The following XKR6 variants were observed in gnomAD, a reference collection of about 807,000 sequenced individuals.
XKR6 encodes the protein XK-related protein 6.
In XKR6, 22 loss-of-function variants were observed where a neutral mutation model predicts 56.7. The ratio of observed to expected loss-of-function variants is 0.39; its 90% CI spans 0.28 to 0.55. The LOEUF (loss-of-function observed/expected upper bound fraction) is 0.55. Ranked by LOEUF, XKR6 falls within the 20% of genes least tolerant of loss-of-function variation. The pLI, the probability that XKR6 is intolerant of heterozygous loss-of-function variation, is 0.66. For missense variants in XKR6, 852 were observed against 889.0 expected (o/e 0.96, Z 0.53); for synonymous variants, 524 against 387.8 (o/e 1.35, Z -4.13).
chr8:11,031,000 T>C lies in XKR6; in HGVS notation c.765-106170A>G, dbSNP rs951069578. ...GTGGCACAGCTAGTAAAAGGCAGAG[T>C]TGGTAGAGTGCACACCTACTGGCTC... On this transcript the variant is annotated intron_variant, in intron 1 of 2. Transcript: ENST00000416569. Among the ~76,000 whole-genome samples, 19 of 151,976 alleles carry C rather than the reference T, an allele frequency of 1.3e-4. 1 individual carries two copies. The highest frequency in any genetic ancestry group is 1.1e-3 in the Admixed American group (17 of 15,258).
intron 1 of XKR6, among the ~76,000 whole-genome samples, chr8:11,174,835 T>C (rs1005448997): frequency 6.6e-6 from 1 of 152,308 alleles, no homozygotes; most frequent in South Asian, 2.1e-4. Flanking sequence ...GAACGGATGA[T>C]CAACGGACCC....
At chr8:11,035,239 C>T (rs548730101) in intron 1 of XKR6, 6 of 534,784 alleles carry the variant, frequency 1.1e-5, no homozygotes, top group Non-Finnish European at 1.5e-5. Flanking sequence ...ACAACGATGA[C>T]GTAGCACCCC....
chr8:10,929,547 C>G (rs6992103), intron 1 of XKR6, among the ~76,000 whole-genome samples: 2 of 152,296 alleles, frequency 1.3e-5, no homozygotes, highest in African/African-American at 4.8e-5. Context: ...ACTTGCCTGA[C>G]AGTGGGGAAG....
At chr8:10,900,816 G>A (rs897304794) in intron 2 of XKR6, among the ~76,000 whole-genome samples, 12 of 148,818 alleles carry the variant, frequency 8.1e-5, no homozygotes, top group African/African-American at 3.0e-4. Context: ...GTAATGTGAT[G>A]TAGGTTGCAG....
In XKR6 at chr8:11,094,680, A is replaced by G. The variant is rs150842265; in HGVS notation, c.764+105896T>C. 4.2e-3 allele frequency among the ~76,000 whole-genome samples: 643 copies of G among 152,264 alleles called. 11 individuals are homozygous for G. The highest frequency in any genetic ancestry group is 0.015 in the African/African-American group (618 of 41,546). On this transcript the variant is annotated intron_variant, in intron 1 of 2. Coordinates refer to ENST00000416569, the MANE Select transcript of XKR6 (RefSeq NM_173683.4). ...ATGGAGTGGTTACTAGCAGCCAGACACTAGGCAGATGACCACACCTATCAT... is the reference window on the plus strand; with the variant it reads ...ATGGAGTGGTTACTAGCAGCCAGACGCTAGGCAGATGACCACACCTATCAT...
At chr8:10,949,940 A>C (rs960772847) in intron 1 of XKR6, among the ~76,000 whole-genome samples, 2 of 152,106 alleles carry the variant, frequency 1.3e-5, no homozygotes, top group Non-Finnish European at 1.5e-5. Context: ...GGCTGTGCTC[A>C]CAGCTCCTCC....
At chr8:10,914,078 C>G (rs1015426204) in intron 2 of XKR6, among the ~76,000 whole-genome samples, 3 of 152,166 alleles carry the variant, frequency 2.0e-5, no homozygotes, top group Non-Finnish European at 4.4e-5. Context: ...TCTTGGCGTT[C>G]TGACCAACCT....
At chr8:10,951,500 A>C (rs1040616077) in intron 1 of XKR6, among the ~76,000 whole-genome samples, 3 of 152,228 alleles carry the variant, frequency 2.0e-5, no homozygotes, top group Admixed American at 1.3e-4. Flanking sequence ...TTAGTCCCAA[A>C]CAGCAGCAGT....
intron 1 of XKR6, among the ~76,000 whole-genome samples, chr8:11,172,303 G>A (rs940521800): frequency 6.6e-6 from 1 of 152,152 alleles, no homozygotes; most frequent in South Asian, 2.1e-4. Context: ...CTGGGAGGTC[G>A]AGGCTGCGGC....
At chr8:11,140,506 G>A (rs960745229) in intron 1 of XKR6, among the ~76,000 whole-genome samples, 1 of 152,162 alleles carries the variant, frequency 6.6e-6, no homozygotes, top group Non-Finnish European at 1.5e-5. Context: ...CTTAAGGAAA[G>A]AAAATACAAG....
chr8:11,120,433 A>G (rs1262640127), intron 1 of XKR6, among the ~76,000 whole-genome samples: 1 of 152,236 alleles, frequency 6.6e-6, no homozygotes, highest in Non-Finnish European at 1.5e-5. Context: ...ACTCCCATTC[A>G]CAATTGCTTC....
At chr8:11,117,804 A>T (rs1799251871) in intron 1 of XKR6, among the ~76,000 whole-genome samples, 1 of 152,198 alleles carries the variant, frequency 6.6e-6, no homozygotes, top group African/African-American at 2.4e-5. Context: ...AGTTCTTATA[A>T]ATTCCCAAGA....
rs1460490086 is a variant in XKR6 at position 11,176,366 on chromosome 8, T to C, written c.764+24210A>G. On this transcript the variant is annotated intron_variant, in intron 1 of 2. Coordinates refer to ENST00000416569, the MANE Select transcript of XKR6 (RefSeq NM_173683.4). ...CAAGTGGTATGTCTCATATAATAAATGGTAAATGAAGATCTGTTACGTGTA... is the reference window on the plus strand; with the variant it reads ...CAAGTGGTATGTCTCATATAATAAACGGTAAATGAAGATCTGTTACGTGTA... Among the ~76,000 whole-genome samples the C allele has an allele frequency of 2.6e-5, 4 of 152,154 alleles. No homozygotes were observed. In the East Asian group the frequency reaches 5.8e-4, roughly 22 times the overall value.
chr8:10,909,202 T>A (rs1800277838), intron 2 of XKR6, among the ~76,000 whole-genome samples: 1 of 150,538 alleles, frequency 6.6e-6, no homozygotes, highest in African/African-American at 2.4e-5. Flanking sequence ...GAGCTCTGTC[T>A]CTCTCTCTCT....
At chr8:10,964,461 A>G (rs1050399033) in intron 1 of XKR6, among the ~76,000 whole-genome samples, 1 of 152,186 alleles carries the variant, frequency 6.6e-6, no homozygotes, top group African/African-American at 2.4e-5. Context: ...TCCCACATTC[A>G]GCACTTGAAA....
At chr8:11,166,864 C>T (rs183924984) in intron 1 of XKR6, among the ~76,000 whole-genome samples, 54 of 152,254 alleles carry the variant, frequency 3.5e-4, no homozygotes, top group Admixed American at 2.9e-3. Context: ...CGTGAGCCAC[C>T]GCACCCGGCT....
rs111637264 is a variant in XKR6 at position 11,055,446 on chromosome 8, G to T, written c.765-130616C>A. On this transcript the variant is annotated intron_variant, in intron 1 of 2. Coordinates refer to ENST00000416569, the MANE Select transcript of XKR6 (RefSeq NM_173683.4). Reference sequence around the variant, plus strand: ...AGGTCGGGGCCTTGAGGGCTCAGGGGAGCCTGCCTAGAGGCAGGTCAAGGG... The same window carrying T: ...AGGTCGGGGCCTTGAGGGCTCAGGGTAGCCTGCCTAGAGGCAGGTCAAGGG... Among the ~76,000 whole-genome samples the T allele has an allele frequency of 1.6e-3, 238 of 152,330 alleles. 1 individual carries two copies. The highest frequency in any genetic ancestry group is 5.4e-3 in the African/African-American group (225 of 41,584).
chr8:10,978,909 C>T (rs1027869123), intron 1 of XKR6, among the ~76,000 whole-genome samples: 1 of 152,218 alleles, frequency 6.6e-6, no homozygotes, highest in African/African-American at 2.4e-5. Flanking sequence ...CAGATGTCAT[C>T]CTGCCACTGG....
At chr8:11,189,449 T>C (rs1216455802) in intron 1 of XKR6, among the ~76,000 whole-genome samples, 1 of 152,208 alleles carries the variant, frequency 6.6e-6, no homozygotes, top group East Asian at 1.9e-4. Context: ...AGCAACTCTT[T>C]GGTTAATACA....
Sources: allele counts gnomAD v4.1 joint callset (sites outside exome capture counted in the v4.1 genomes callset), GRCh38; gene constraint gnomAD v4.1.1; transcripts MANE v1.5; gene names NCBI Gene and HGNC (gene_info 2026-07-23, HGNC 2026-07-21).